Variants in DLGAP2 observed in about 807,000 individuals in gnomAD.
DLGAP2 encodes the protein disks large-associated protein 2.
DLGAP2 carries 26 observed loss-of-function variants against 100.3 expected under a neutral mutation model. That is an observed-to-expected ratio of 0.26 (90% CI 0.19 to 0.36). DLGAP2 has a LOEUF of 0.36. Among genes scored for constraint, DLGAP2 ranks in the 10% least tolerant of loss-of-function variants. DLGAP2 has a pLI of 1.00. For synonymous variants in DLGAP2, 886 were observed against 630.1 expected (o/e 1.41, Z -6.08); for missense variants, 1,858 against 1,453.2 (o/e 1.28, Z -4.53).
chr8:763,259 A>G (rs536962627), intron 1 of DLGAP2, among the ~76,000 whole-genome samples: 1 of 152,304 alleles, frequency 6.6e-6, no homozygotes, highest in African/African-American at 2.4e-5. Flanking sequence ...TTCGCGTGCT[A>G]CTGCTGTATT....
In DLGAP2 at chr8:1,549,158, C is replaced by A; in HGVS notation, c.705C>A (p.Ser235=). 1.3e-6 allele frequency: 2 copies of A among 1,596,658 alleles called. No individual in the cohort carries two copies. The highest frequency in any genetic ancestry group is 1.7e-6 in the Non-Finnish European group (2 of 1,172,840). The change falls in exon 5 of 15, where the codon TCC becomes TCA. Residue 235 remains serine, a synonymous_variant. Coordinates refer to ENST00000637795, the MANE Select transcript of DLGAP2 (RefSeq NM_001346810.2). ...GGCGGATCCGCCACCTGGTACACTCCGTGCAGAAGCTCTTCACCAAGTCGC... is the reference window on the plus strand; with the variant it reads ...GGCGGATCCGCCACCTGGTACACTCAGTGCAGAAGCTCTTCACCAAGTCGC... ...SPGRIRHLVH[S]VQKLFTKSHS...
intron 2 of DLGAP2, among the ~76,000 whole-genome samples, chr8:1,125,415 A>G (rs907584191): frequency 1.3e-5 from 2 of 152,190 alleles, no homozygotes; most frequent in East Asian, 1.9e-4. Context: ...GGAATTTCCT[A>G]TGATAGCGTG....
chr8:990,234 G>A (rs543106732), intron 2 of DLGAP2, among the ~76,000 whole-genome samples: 1 of 151,940 alleles, frequency 6.6e-6, no homozygotes, highest in African/African-American at 2.4e-5. Context: ...TTTGTGTCGT[G>A]ATGTTGCCAT....
At chr8:1,411,108 C>G (rs146542221) in intron 3 of DLGAP2, among the ~76,000 whole-genome samples, 164 of 152,242 alleles carry the variant, frequency 1.1e-3, no homozygotes, top group African/African-American at 3.5e-3. Flanking sequence ...TTCAGGTATT[C>G]AGTCGTGGTC....
intron 3 of DLGAP2, among the ~76,000 whole-genome samples, chr8:1,426,342 T>G (rs995615877): frequency 1.2e-4 from 18 of 152,094 alleles, no homozygotes; most frequent in African/African-American, 4.3e-4. Flanking sequence ...TCAAAGTCCA[T>G]CTGGAGGGAA....
At chr8:759,161 C>CACAACCTTCCCATTATCAATACCCCCG (rs1821004332) in intron 1 of DLGAP2, among the ~76,000 whole-genome samples, 12 of 76,684 alleles carry the variant, frequency 1.6e-4, no homozygotes, top group East Asian at 4.5e-4. Flanking sequence ...CAATACCCCC[C>CACAACCTTCCCATTATCAATACCCCCG]ACAGCCTTCC....
At chr8:1,206,783 C>A (rs1798005073) in intron 2 of DLGAP2, among the ~76,000 whole-genome samples, 1 of 152,216 alleles carries the variant, frequency 6.6e-6, no homozygotes, top group Non-Finnish European at 1.5e-5. Flanking sequence ...ATCGCTGCTA[C>A]CATTCTTTGT....
intron 3 of DLGAP2, among the ~76,000 whole-genome samples, chr8:1,413,415 A>G (rs1382756671): frequency 1.3e-5 from 2 of 152,222 alleles, no homozygotes; most frequent in Non-Finnish European, 2.9e-5. Context: ...CAAGAAGCAT[A>G]AAAAAGACTT....
chr8:1,331,772 C>T (rs1036443455), intron 3 of DLGAP2, among the ~76,000 whole-genome samples: 1 of 152,198 alleles, frequency 6.6e-6, no homozygotes, highest in Non-Finnish European at 1.5e-5. Context: ...CACCTTCTCT[C>T]ATATCTCTGA....
At chr8:1,678,770 C>T (rs1798873749) in intron 12 of DLGAP2, 141 bp downstream of exon 12, 2 of 873,628 alleles carry the variant, frequency 2.3e-6, no homozygotes, top group Non-Finnish European at 3.2e-6. Context: ...AGTATATCCC[C>T]CTCAATTCTA....
intron 1 of DLGAP2, among the ~76,000 whole-genome samples, chr8:798,110 T>A (rs1336958153): frequency 6.6e-6 from 1 of 152,204 alleles, no homozygotes; most frequent in Non-Finnish European, 1.5e-5. Context: ...GCTGTTTGCA[T>A]CAGTTTCTTG....
At chr8:1,505,412 C>T (rs146293104) in intron 4 of DLGAP2, among the ~76,000 whole-genome samples, 27 of 152,292 alleles carry the variant, frequency 1.8e-4, no homozygotes, top group Non-Finnish European at 3.7e-4. Flanking sequence ...CCTCAGTCTT[C>T]AAAAGCTCCA....
At chr8:1,221,533 T>C (rs1008170575) in intron 2 of DLGAP2, among the ~76,000 whole-genome samples, 4 of 152,182 alleles carry the variant, frequency 2.6e-5, no homozygotes, top group African/African-American at 4.8e-5. Flanking sequence ...TTAGCATTTT[T>C]TTTTCATGCT....
At chr8:1,601,956 G>T (rs1018719500) in intron 6 of DLGAP2, among the ~76,000 whole-genome samples, 1 of 151,252 alleles carries the variant, frequency 6.6e-6, no homozygotes, top group East Asian at 1.9e-4. Context: ...GTGTGTGTGT[G>T]TGTGTGTGTG....
At chr8:800,680 G>A (rs1445729155) in intron 1 of DLGAP2, among the ~76,000 whole-genome samples, 1 of 152,118 alleles carries the variant, frequency 6.6e-6, no homozygotes, top group African/African-American at 2.4e-5. Context: ...GTACATGTAT[G>A]TGTATGTGCA....
At chr8:1,535,235 C>G (rs1266913536) in intron 4 of DLGAP2, among the ~76,000 whole-genome samples, 3 of 152,250 alleles carry the variant, frequency 2.0e-5, no homozygotes, top group Non-Finnish European at 4.4e-5. Flanking sequence ...CTGGTCATCA[C>G]AGCCTCAGCC....
chr8:888,094 A>G (rs916145789), intron 1 of DLGAP2, among the ~76,000 whole-genome samples: 20 of 151,510 alleles, frequency 1.3e-4, no homozygotes, highest in African/African-American at 4.9e-4. Context: ...TTTTTTCTCT[A>G]TTGCCTTATG....
At chr8:1,056,071 A>G (rs1037390441) in intron 2 of DLGAP2, among the ~76,000 whole-genome samples, 11 of 152,152 alleles carry the variant, frequency 7.2e-5, no homozygotes, top group African/African-American at 2.7e-4. Context: ...GCAATATTTC[A>G]CCACTGAGTA....
At chr8:1,693,420 C>T (rs1218570007) in intron 13 of DLGAP2, among the ~76,000 whole-genome samples, 1 of 151,662 alleles carries the variant, frequency 6.6e-6, no homozygotes, top group Non-Finnish European at 1.5e-5. Flanking sequence ...CTAAAGTATT[C>T]ACTATTTTGA....
Sources: allele counts gnomAD v4.1 joint callset (sites outside exome capture counted in the v4.1 genomes callset), GRCh38; gene constraint gnomAD v4.1.1; transcripts MANE v1.5; gene names NCBI Gene and HGNC (gene_info 2026-07-23, HGNC 2026-07-21).